Variants in ADGRL2 observed in about 807,000 individuals in gnomAD.
ADGRL2 encodes the protein calcium-independent alpha-latrotoxin receptor 2.
In ADGRL2, 44 loss-of-function variants were observed where a neutral mutation model predicts 157.4. The ratio of observed to expected loss-of-function variants is 0.28; its 90% CI spans 0.22 to 0.36. The LOEUF is 0.36. ADGRL2 is among the 10% of genes least tolerant of loss of function. The probability of loss-of-function intolerance (pLI) is 1.00; values close to 1 mark genes in which losing one functional copy is unlikely to be tolerated. For missense variants in ADGRL2, 1,510 were observed against 1,768.9 expected, an observed-to-expected ratio of 0.85 and a Z score of 2.63; for synonymous variants, 585 against 624.7, an observed-to-expected ratio of 0.94 and a Z score of 0.95.
chr1:81,444,921 T>A (rs12118727), intron 1 of ADGRL2: 1 of 152,054 alleles, frequency 6.6e-6, no homozygotes, highest in East Asian at 1.9e-4. Context: ...ATCATTTGAA[T>A]CTAATAAAAA....
intron 1 of ADGRL2, among the ~76,000 whole-genome samples, chr1:81,333,414 T>TATTA (rs894276585): frequency 7.0e-6 from 1 of 143,068 alleles, no homozygotes; most frequent in African/African-American, 2.5e-5. Flanking sequence ...TTAATTAATT[T>TATTA]ATTTATTTAT....
At chr1:81,953,576 G>C (rs1391361865) in intron 10 of ADGRL2, among the ~76,000 whole-genome samples, 1 of 152,080 alleles carries the variant, frequency 6.6e-6, no homozygotes, top group Non-Finnish European at 1.5e-5. Flanking sequence ...GTTACATACT[G>C]TTTTTTATCA....
chr1:81,935,308 C>G (rs986481484), intron 3 of ADGRL2, among the ~76,000 whole-genome samples: 1 of 151,946 alleles, frequency 6.6e-6, no homozygotes. Flanking sequence ...TGGTATATTT[C>G]TAAAAAAACA....
intron 2 of ADGRL2, among the ~76,000 whole-genome samples, chr1:81,768,180 C>T (rs1045509686): frequency 2.0e-5 from 3 of 151,364 alleles, no homozygotes; most frequent in African/African-American, 7.3e-5. Context: ...TGAGTAACTA[C>T]GACTACAGAC....
intron 2 of ADGRL2, among the ~76,000 whole-genome samples, chr1:81,785,044 G>C (rs889581483): frequency 1.3e-5 from 2 of 152,064 alleles, no homozygotes; most frequent in Non-Finnish European, 2.9e-5. Context: ...GGAAAAAAAA[G>C]AGAAAATTTC....
intron 1 of ADGRL2, among the ~76,000 whole-genome samples, chr1:81,315,549 A>G (rs1660046460): frequency 6.6e-6 from 1 of 152,166 alleles, no homozygotes; most frequent in Admixed American, 6.5e-5. Flanking sequence ...AAAGTCCCTC[A>G]GGGCTTATGG....
intron 1 of ADGRL2, chr1:81,427,471 G>T: frequency 1.3e-6 from 1 of 754,508 alleles, no homozygotes. Flanking sequence ...GAACTATAAT[G>T]ATTTTGGAAA....
chr1:81,720,024 T>C (rs2084245999), intron 1 of ADGRL2, among the ~76,000 whole-genome samples: 1 of 152,194 alleles, frequency 6.6e-6, no homozygotes, highest in Non-Finnish European at 1.5e-5. Context: ...TTTGTTTTAC[T>C]ATATTTTATT....
intron 2 of ADGRL2, among the ~76,000 whole-genome samples, chr1:81,880,415 A>G (rs1448391729): frequency 6.6e-6 from 1 of 152,180 alleles, no homozygotes. Context: ...ATATTGATGC[A>G]GGTTATTTTC....
intron 1 of ADGRL2, among the ~76,000 whole-genome samples, chr1:81,805,906 A>T (rs914049009): frequency 6.6e-6 from 1 of 152,064 alleles, no homozygotes; most frequent in Non-Finnish European, 1.5e-5. Flanking sequence ...TGTGAGGGTG[A>T]TCTTGAATTC....
intron 2 of ADGRL2, among the ~76,000 whole-genome samples, chr1:81,490,568 C>A (rs1035311996): frequency 2.0e-5 from 3 of 152,162 alleles, no homozygotes; most frequent in African/African-American, 7.2e-5. Flanking sequence ...ACCTCATTAG[C>A]CAGCAAGAAA....
chr1:81,438,127 C>T (rs1375443266), intron 1 of ADGRL2, among the ~76,000 whole-genome samples: 1 of 151,612 alleles, frequency 6.6e-6, no homozygotes, highest in African/African-American at 2.4e-5. Flanking sequence ...CATGAGTGAG[C>T]TTTGATGTAA....
intron 2 of ADGRL2, among the ~76,000 whole-genome samples, chr1:81,487,219 C>A (rs532865685): frequency 2.0e-5 from 3 of 151,774 alleles, no homozygotes; most frequent in South Asian, 2.1e-4. Context: ...AGGATCAGAC[C>A]ACTGCACTTC....
chr1:81,540,049 A>T (rs187754117), intron 2 of ADGRL2, among the ~76,000 whole-genome samples: 6 of 152,280 alleles, frequency 3.9e-5, no homozygotes, highest in African/African-American at 1.4e-4. Flanking sequence ...TGTACTGCTA[A>T]CTAGCTTGGA....
upstream of ADGRL2, among the ~76,000 whole-genome samples, chr1:81,796,887 A>C (rs2149438958): frequency 6.6e-6 from 1 of 152,288 alleles, no homozygotes; most frequent in Non-Finnish European, 1.5e-5. Context: ...TCTTGGACAA[A>C]ATTTGCTAAG....
At chr1:81,342,705 A>C (rs11807938) in intron 1 of ADGRL2, among the ~76,000 whole-genome samples, 18,886 of 152,150 alleles carry the variant, frequency 0.12, 1,751 homozygotes, top group African/African-American at 0.26. Flanking sequence ...TAAGTATCTT[A>C]TATTTAATAT....
At chr1:81,619,775 T>C (rs1408324146) in intron 3 of ADGRL2, among the ~76,000 whole-genome samples, 1 of 151,840 alleles carries the variant, frequency 6.6e-6, no homozygotes, top group African/African-American at 2.4e-5. Context: ...TTGTTTTGCA[T>C]TTAATCCTCA....
intron 3 of ADGRL2, chr1:81,596,366 A>T: frequency 1.9e-6 from 1 of 514,608 alleles, no homozygotes; most frequent in South Asian, 1.5e-5. Context: ...TCACTTCGAG[A>T]TTCTTTTCCT....
chr1:81,813,446 C>G (rs1309711032), intron 1 of ADGRL2, among the ~76,000 whole-genome samples: 1 of 151,638 alleles, frequency 6.6e-6, no homozygotes, highest in African/African-American at 2.4e-5. Context: ...GAATAATCCT[C>G]TAAGTAAGGA....
Sources: allele counts gnomAD v4.1 joint callset (sites outside exome capture counted in the v4.1 genomes callset), GRCh38; gene constraint gnomAD v4.1.1; transcripts MANE v1.5; gene names NCBI Gene and HGNC (gene_info 2026-07-23, HGNC 2026-07-21).